The following ZRSR2 variants were observed in gnomAD, a reference collection of about 807,000 sequenced individuals.
ZRSR2 encodes U2 small nuclear ribonucleoprotein auxiliary factor 35 kDa subunit-related protein 2.
Under a neutral mutation model 39.4 loss-of-function variants are expected in ZRSR2, and 3 were observed. The observed-to-expected ratio is 0.08, with a 90% CI of 0.03 to 0.20. The LOEUF is 0.20. Ranked by LOEUF, ZRSR2 falls within the 10% of genes least tolerant of loss-of-function variation. ZRSR2 has a pLI of 1.00. For synonymous variants in ZRSR2, 137 were observed against 136.0 expected, an observed-to-expected ratio of 1.01 and a Z score of -0.05; for missense variants, 256 against 391.5, an observed-to-expected ratio of 0.65 and a Z score of 2.92.
intron 2 of ZRSR2, among the ~76,000 whole-genome samples, chrX:15,792,737 A>T (rs942218819): frequency 8.9e-6 from 1 of 112,740 alleles, no homozygotes; most frequent in Non-Finnish European, 1.9e-5. Flanking sequence ...GGACTTAGTT[A>T]TAAAATTATG....
intron 2 of ZRSR2, among the ~76,000 whole-genome samples, chrX:15,795,714 A>G (rs973173420): frequency 1.2e-4 from 13 of 111,958 alleles, no homozygotes; most frequent in Non-Finnish European, 2.4e-4. Context: ...CTACGTTTTC[A>G]TGAAACAGTA....
At chrX:15,809,175 G>A (rs751012027) in intron 6 of ZRSR2, 25 bp from the exon 7 acceptor site, 6 of 1,085,326 alleles carry the variant, frequency 5.5e-6, no homozygotes, top group Non-Finnish European at 7.7e-6. Flanking sequence ...TACTCCACCA[G>A]TAAAGTCATG....
intron 3 of ZRSR2, 40 bp from the exon 4 acceptor site, chrX:15,803,648 T>C: frequency 3.4e-6 from 4 of 1,167,954 alleles, no homozygotes; most frequent in Non-Finnish European, 3.4e-6. Context: ...TGTGGATTAA[T>C]GCCCATTTCT....
At chrX:15,818,428 G>A (rs1933023002) in intron 8 of ZRSR2, among the ~76,000 whole-genome samples, 159 bp from the exon 9 acceptor site, 1 of 112,552 alleles carries the variant, frequency 8.9e-6, no homozygotes, top group East Asian at 2.8e-4. Context: ...CATGTGCCAA[G>A]TACGCCTTAA....
chrX:15,800,176 T>G (rs765180596), intron 3 of ZRSR2, among the ~76,000 whole-genome samples: 1 of 106,172 alleles, frequency 9.4e-6, no homozygotes, highest in Non-Finnish European at 1.9e-5. Flanking sequence ...ATTTATAATT[T>G]TTTTTCTTTC....
intron 10 of ZRSR2, among the ~76,000 whole-genome samples, chrX:15,821,248 T>A (rs1933099213): frequency 9.0e-6 from 1 of 110,641 alleles, no homozygotes; most frequent in Non-Finnish European, 1.9e-5. Flanking sequence ...GTTACTTTTG[T>A]CAGTTCCTGG....
At chrX:15,812,910 G>A (rs1204191225) in intron 7 of ZRSR2, among the ~76,000 whole-genome samples, 1 of 112,162 alleles carries the variant, frequency 8.9e-6, no homozygotes, top group Non-Finnish European at 1.9e-5. Flanking sequence ...GATTCTAAAG[G>A]TTTCTCCCTT....
Position 15,808,289 on chromosome X carries a change from C to A in ZRSR2, c.438+18C>A. 8.5e-7 allele frequency: 1 copy of A among 1,178,190 alleles called. No homozygotes were observed. Among genetic ancestry groups the A allele is most frequent in the Non-Finnish European group, 1.1e-6 (1 of 870,667 alleles). On this transcript the variant is annotated intron_variant, in intron 6 of 10. Coordinates refer to ENST00000307771, the MANE Select transcript of ZRSR2 (RefSeq NM_005089.4). ...AAAATGAGGTATTTTTAAAACCTTA[C>A]ATTGATAATTTGAGACCAATTAATG...
chrX:15,792,601 A>G (rs1486279414), intron 2 of ZRSR2, among the ~76,000 whole-genome samples: 2 of 112,458 alleles, frequency 1.8e-5, no homozygotes, highest in Admixed American at 9.4e-5. Flanking sequence ...GTTGCCTTAT[A>G]GTTATTTACC....
Position 15,804,103 on chromosome X carries a change from CT to C in ZRSR2, c.313-5del. On this transcript the variant is annotated splice_region_variant and splice_polypyrimidine_tract_variant and intron_variant, in intron 4 of 10. Coordinates refer to ENST00000307771, the MANE Select transcript of ZRSR2 (RefSeq NM_005089.4). ...TGAAACAAAGTTACTTTTTCTTCCC[CT>C]TTAAAGAGAAAGTTAAAGGAACAAT... 8.5e-7 allele frequency: 1 copy of C among 1,177,715 alleles called. No homozygotes were observed. Among genetic ancestry groups the C allele is most frequent in the Non-Finnish European group, 1.1e-6 (1 of 882,730 alleles).
In ZRSR2 at chrX:15,823,107, CAGCCGG is replaced by C. The variant is rs752736259; in HGVS notation, c.1338_1343del (p.Ser447_Arg448del). ...GCAGGGACCGCAGCCGGGGCCGGGG[CAGCCGG>C]AGCCGGAGCCGGAGCCGGAGCCGCA... On this transcript the variant is annotated inframe_deletion, in exon 11 of 11. Coordinates refer to ENST00000307771, the MANE Select transcript of ZRSR2 (RefSeq NM_005089.4). 843 of 1,204,303 alleles carry C rather than the reference CAGCCGG, an allele frequency of 7.0e-4. No homozygotes were observed. The highest frequency in any genetic ancestry group is 2.2e-3 in the Admixed American group (99 of 45,371).
intron 2 of ZRSR2, among the ~76,000 whole-genome samples, chrX:15,795,669 T>C (rs1018768088): frequency 8.9e-6 from 1 of 111,807 alleles, no homozygotes. Flanking sequence ...GGTTAGCAGC[T>C]TTATAGATAA....
rs756732646 is a variant in ZRSR2, at chrX:15,818,219, T to C, written c.772-368T>C. Among the ~76,000 whole-genome samples, 11 of 112,654 alleles carry C rather than the reference T, an allele frequency of 9.8e-5. No homozygotes were observed. The South Asian group carries it at 4.0e-3, about 41-fold the overall frequency. On this transcript the variant is annotated intron_variant, in intron 8 of 10. Transcript: ENST00000307771. ...CTATGTGATGGAGGAGGGAGAAGAA[T>C]GGGATAGAAGGGCTTCAACTGAGTC...
At chrX:15,817,934 C>T (rs1383051996) in intron 8 of ZRSR2, among the ~76,000 whole-genome samples, 1 of 112,174 alleles carries the variant, frequency 8.9e-6, no homozygotes, top group Admixed American at 9.4e-5. Context: ...AATTTTAAAA[C>T]ATACAAAGCA....
At chrX:15,805,243 G>T (rs1432629706) in intron 5 of ZRSR2, among the ~76,000 whole-genome samples, 1 of 111,589 alleles carries the variant, frequency 9.0e-6, no homozygotes, top group Admixed American at 9.6e-5. Flanking sequence ...TTCCAGATGA[G>T]GCAAGTTCAT....
Position 15,790,556 on chromosome X carries a change from A to G in ZRSR2, c.41+20A>G. 1 of 1,159,092 alleles carries G rather than the reference A, an allele frequency of 8.6e-7. No homozygotes were observed. The highest frequency in any genetic ancestry group is 1.1e-6 in the Non-Finnish European group (1 of 870,517). ...ACCAAGGTAAGCGCCGTACGGGGAGATGAGCAGGCGAGCGGGCCGATCGTG... is the reference window on the plus strand; with the variant it reads ...ACCAAGGTAAGCGCCGTACGGGGAGGTGAGCAGGCGAGCGGGCCGATCGTG... On this transcript the variant is annotated intron_variant, in intron 1 of 10. Transcript: ENST00000307771.
In ZRSR2 at chrX:15,797,998, C is replaced by T. The variant is rs188434335; in HGVS notation, c.122-1874C>T. 3.6e-5 allele frequency among the ~76,000 whole-genome samples: 4 copies of T among 112,078 alleles called. No individual in the cohort carries two copies. The East Asian group carries it at 8.4e-4, about 23-fold the overall frequency. On this transcript the variant is annotated intron_variant, in intron 2 of 10. Coordinates refer to ENST00000307771, the MANE Select transcript of ZRSR2 (RefSeq NM_005089.4). ...ATATCCTCTGTGCCAGGTTCTCTGG[C>T]GCTTTAAGTACATTAGATCATTTAA...
chrX:15,818,192 A>T (rs1933016454), intron 8 of ZRSR2, among the ~76,000 whole-genome samples: 1 of 112,512 alleles, frequency 8.9e-6, no homozygotes, highest in Admixed American at 9.4e-5. Context: ...GAGAGTGTTC[A>T]CCTATGTGAT....
intron 2 of ZRSR2, among the ~76,000 whole-genome samples, chrX:15,797,376 A>G (rs1297148631): frequency 1.9e-5 from 2 of 106,310 alleles, no homozygotes; most frequent in African/African-American, 3.4e-5. Flanking sequence ...ACGCCCGGCT[A>G]ATTTTTGTAT....
Sources: gnomAD v4.1 joint callset for allele counts (sites outside exome capture counted in the v4.1 genomes callset) on GRCh38, gnomAD v4.1.1 for gene constraint, MANE v1.5 for transcripts, NCBI Gene and HGNC (gene_info 2026-07-23, HGNC 2026-07-21) for gene names.